ARHGAP20: variants seen among roughly 807,000 people sequenced by gnomAD.
ARHGAP20 encodes the protein rho GTPase-activating protein 20.
ARHGAP20 carries 34 observed loss-of-function variants against 73.7 expected under a neutral mutation model. That is an observed-to-expected ratio of 0.46 (90% confidence interval 0.35 to 0.61). ARHGAP20 has a LOEUF of 0.61. ARHGAP20 is among the 20% of genes least tolerant of loss of function. The probability of loss-of-function intolerance (pLI) is 0.00; values close to 1 mark genes in which losing one functional copy is unlikely to be tolerated. For synonymous variants in ARHGAP20, 523 were observed against 518.2 expected (o/e 1.01, Z -0.13); for missense variants, 1,314 against 1,420.9 (o/e 0.92, Z 1.21).
intron 9 of ARHGAP20, among the ~76,000 whole-genome samples, chr11:110,594,074 C>T (rs1007851188): frequency 2.0e-5 from 3 of 152,210 alleles, no homozygotes; most frequent in Admixed American, 6.5e-5. Context: ...CCAAAGAAGT[C>T]TTCTATATTG....
chr11:110,712,064 G>T (rs1358161846), intron 1 of ARHGAP20, 63 bp downstream of exon 1: 1 of 1,249,594 alleles, frequency 8.0e-7, no homozygotes, highest in Non-Finnish European at 1.0e-6. Context: ...GGGCGCGGAG[G>T]GCGCGCGCCG....
chr11:110,593,808 C>G (rs1947887372), intron 9 of ARHGAP20, among the ~76,000 whole-genome samples: 1 of 152,214 alleles, frequency 6.6e-6, no homozygotes, highest in South Asian at 2.1e-4. Flanking sequence ...AAAGAGCTTG[C>G]AATTAAGGTT....
At chr11:110,646,055 C>T (rs1949186485) in intron 2 of ARHGAP20, among the ~76,000 whole-genome samples, 1 of 152,092 alleles carries the variant, frequency 6.6e-6, no homozygotes, top group Non-Finnish European at 1.5e-5. Context: ...ATTCATACTC[C>T]AAACCTTGGC....
intron 2 of ARHGAP20, among the ~76,000 whole-genome samples, chr11:110,666,760 T>A (rs1949731792): frequency 6.6e-6 from 1 of 152,244 alleles, no homozygotes; most frequent in African/African-American, 2.4e-5. Flanking sequence ...TGTTGTGATC[T>A]GTGATCAGTA....
intron 9 of ARHGAP20, among the ~76,000 whole-genome samples, chr11:110,603,705 G>A (rs991369879): frequency 6.6e-6 from 1 of 152,082 alleles, no homozygotes; most frequent in Non-Finnish European, 1.5e-5. Flanking sequence ...TCAATTGAAA[G>A]TGATTATCTG....
At chr11:110,669,112 A>G (rs577056004) in intron 2 of ARHGAP20, among the ~76,000 whole-genome samples, 1 of 152,292 alleles carries the variant, frequency 6.6e-6, no homozygotes, top group East Asian at 1.9e-4. Flanking sequence ...AAAATGATAA[A>G]TTGGACTTCA....
intron 3 of ARHGAP20, among the ~76,000 whole-genome samples, chr11:110,627,470 C>G (rs559515980): frequency 6.6e-6 from 1 of 152,138 alleles, no homozygotes; most frequent in South Asian, 2.1e-4. Flanking sequence ...TCCTATCCTC[C>G]TATCTTCATA....
At chr11:110,656,279 C>A (rs1331317418) in intron 2 of ARHGAP20, among the ~76,000 whole-genome samples, 4 of 152,054 alleles carry the variant, frequency 2.6e-5, no homozygotes, top group Non-Finnish European at 5.9e-5. Context: ...TTAGGCTAAG[C>A]CTGTGTACCT....
rs551231595 is a variant in ARHGAP20 at position 110,645,171 on chromosome 11, C to T, written c.189-14379G>A. ...ATTACAGGCATGAGCCACCACACCC[C>T]GCTAATTTTTGTATTTTTAGTAGAG... On this transcript the variant is annotated intron_variant, in intron 2 of 14. Coordinates refer to ENST00000683387, the MANE Select transcript of ARHGAP20 (RefSeq NM_001384657.1). Among the ~76,000 whole-genome samples the T allele has an allele frequency of 4.1e-4, 63 of 151,866 alleles. 3 individuals carry two copies. The highest frequency in any genetic ancestry group is 3.1e-3 in the South Asian group (15 of 4,796).
intron 9 of ARHGAP20, among the ~76,000 whole-genome samples, chr11:110,597,787 A>G (rs1488720957): frequency 6.6e-6 from 1 of 152,206 alleles, no homozygotes; most frequent in Non-Finnish European, 1.5e-5. Context: ...GCCTTTTATT[A>G]TATATACACA....
At chr11:110,615,035 C>T (rs866986554) in intron 5 of ARHGAP20, among the ~76,000 whole-genome samples, 3 of 152,186 alleles carry the variant, frequency 2.0e-5, no homozygotes, top group African/African-American at 7.2e-5. Context: ...CATTTAACTC[C>T]CCAGTAGGGT....
chr11:110,642,616 T>G (rs1352944875), intron 2 of ARHGAP20, among the ~76,000 whole-genome samples: 2 of 152,146 alleles, frequency 1.3e-5, no homozygotes, highest in Non-Finnish European at 2.9e-5. Context: ...GAACCAACCT[T>G]GCATCCCAGG....
At chr11:110,583,827 A>G (rs1947541516) in intron 12 of ARHGAP20, 90 bp from the exon 13 acceptor site, 2 of 1,110,504 alleles carry the variant, frequency 1.8e-6, no homozygotes, top group Admixed American at 6.2e-5. Context: ...GGGAAGAGGG[A>G]AATCAAGAAC....
intron 6 of ARHGAP20, among the ~76,000 whole-genome samples, chr11:110,612,421 C>G (rs1407464305): frequency 1.3e-5 from 2 of 151,268 alleles, no homozygotes; most frequent in Non-Finnish European, 2.9e-5. Flanking sequence ...GAGCGAGACT[C>G]CATCTCAAAA....
chr11:110,609,833 C>T lies in ARHGAP20; in HGVS notation c.709-783G>A, dbSNP rs145784960. Among the ~76,000 whole-genome samples, 299 of 152,110 alleles carry T rather than the reference C, an allele frequency of 2.0e-3. 1 individual carries two copies. In the South Asian group the frequency reaches 0.022, roughly 11 times the overall value. The stretch of plus-strand genomic sequence containing the variant: ...TTACAATACCATAAAAACCATTCCA[C>T]CCCCCATACTCAGTTTATCTGTTAC... On this transcript the variant is annotated intron_variant, in intron 7 of 14. Transcript: ENST00000683387.
At chr11:110,597,480 T>C (rs1947998693) in intron 9 of ARHGAP20, among the ~76,000 whole-genome samples, 1 of 152,052 alleles carries the variant, frequency 6.6e-6, no homozygotes. Flanking sequence ...ATTTACTTGA[T>C]TTTTATTTAT....
chr11:110,579,857 A>T lies in ARHGAP20; in HGVS notation c.3089T>A (p.Val1030Glu), dbSNP rs1305440503. The change falls in exon 15 of 15, where the codon GTA becomes GAA. Residue 1030 changes from valine to glutamate, a missense_variant. Physicochemically the swap from Val to Glu is moderately radical, Grantham distance 121. Coordinates refer to ENST00000683387, the MANE Select transcript of ARHGAP20 (RefSeq NM_001384657.1). The part of the protein sequence containing the change: ...TMEWHSQMHS[V>E]TLHPSTWLRN... ...CAACCATGTGCTGGGATGAAGAGTT[A>T]CAGAATGCATTTGTGAATGCCACTC... The T allele has an allele frequency of 6.2e-7, 1 of 1,614,122 alleles. No individual in the cohort carries two copies. The highest frequency in any genetic ancestry group is 8.5e-7 in the Non-Finnish European group (1 of 1,180,058).
chr11:110,580,662 C>G lies in ARHGAP20; in HGVS notation c.2284G>C (p.Val762Leu), dbSNP rs1210302849. ...TTCTTGCTGACATCAGTGCCTGTGA[C>G]TAAACTCTGTTTAAAACATGTCTTT... Reference protein sequence around the residue: ...EGKTCFKQSLVTGTDVSKKNA... With the variant: ...EGKTCFKQSLLTGTDVSKKNA... The change falls in exon 15 of 15, where the codon GTC becomes CTC. Residue 762 changes from valine (V) to leucine (L), a missense_variant. Physicochemically the swap from Val to Leu is conservative, Grantham distance 32 (BLOSUM62 1). Transcript: ENST00000683387. The G allele has an allele frequency of 3.1e-6, 5 of 1,614,148 alleles. No homozygotes were observed. Among genetic ancestry groups the G allele is most frequent in the Non-Finnish European group, 4.2e-6 (5 of 1,180,008 alleles).
chr11:110,682,922 G>A (rs1047043750), intron 2 of ARHGAP20, among the ~76,000 whole-genome samples: 1 of 152,104 alleles, frequency 6.6e-6, no homozygotes, highest in African/African-American at 2.4e-5. Context: ...ACATTTAAAT[G>A]CAACCAAAGA....
Sources: gnomAD v4.1 joint callset for allele counts (sites outside exome capture counted in the v4.1 genomes callset) on GRCh38, gnomAD v4.1.1 for gene constraint, MANE v1.5 for transcripts, NCBI Gene and HGNC (gene_info 2026-07-23, HGNC 2026-07-21) for gene names.